The following CALN1 variants were observed in gnomAD, a reference collection of about 807,000 sequenced individuals.
The protein encoded by CALN1 is calcium-binding protein 8.
CALN1 carries 17 observed loss-of-function variants against 30.6 expected under a neutral mutation model. That is an observed-to-expected ratio of 0.56 (90% CI 0.38 to 0.83). The LOEUF is 0.83. CALN1 is among the 40% of genes least tolerant of loss of function. The probability of loss-of-function intolerance (pLI) is 0.00; values close to 1 mark genes in which losing one functional copy is unlikely to be tolerated. For missense variants in CALN1, 291 were observed against 354.9 expected (o/e 0.82, Z 1.45); for synonymous variants, 156 against 131.4 (o/e 1.19, Z -1.28).
chr7:71,899,998 T>C (rs1793761489), intron 5 of CALN1, among the ~76,000 whole-genome samples: 1 of 152,210 alleles, frequency 6.6e-6, no homozygotes. Flanking sequence ...TTTTAAATCA[T>C]AAAACCCACG....
rs1196126156 is a variant in CALN1 at position 71,782,257 on chromosome 7, G to A, written c.*5518C>T. The A allele has an allele frequency of 1.3e-5, 2 of 152,206 alleles. No homozygotes were observed. Among genetic ancestry groups the A allele is most frequent in the Non-Finnish European group, 2.9e-5 (2 of 68,040 alleles). The allele number at this position is 152,206 out of a possible 1,614,324, so 9.4% of individuals were successfully genotyped here. A position where few individuals can be genotyped will look rare whatever the true frequency, so the allele number is the denominator to read the frequency against. ...GACTCGGTGCCCTCCCTGTAGTAAT[G>A]AGTGAATTCTTACTTTATTAGTTCA... On this transcript the variant is annotated 3_prime_UTR_variant, in exon 7 of 7. Transcript: ENST00000395275.
the CALN1 span, among the ~76,000 whole-genome samples, chr7:72,501,956 T>TATATATATAAAAATATATATACACAC: frequency 9.7e-6 from 1 of 103,256 alleles, no homozygotes; most frequent in African/African-American, 4.3e-5. Flanking sequence ...TATACACACA[T>TATATATATAAAAATATATATACACAC]ATATATATAT....
At chr7:72,190,643 T>C (rs955743817) in intron 3 of CALN1, among the ~76,000 whole-genome samples, 3 of 152,236 alleles carry the variant, frequency 2.0e-5, no homozygotes, top group South Asian at 2.1e-4. Context: ...AATACATTAA[T>C]GTGTGCATGT....
chr7:71,803,949 C>CGT lies in CALN1; in HGVS notation c.658+6385_658+6386dup, dbSNP rs56094367. On this transcript the variant is annotated intron_variant, in intron 6 of 6. Coordinates refer to ENST00000395275, the MANE Select transcript of CALN1 (RefSeq NM_031468.4). ...GGCTGTGTATTTGTGTATGTGTGTG[C>CGT]GTGTGTGTGTGTGTGTGTGTGTGCG... Among the ~76,000 whole-genome samples the CGT allele has an allele frequency of 1.4e-3, 213 of 149,842 alleles. 1 individual carries two copies. Among genetic ancestry groups the CGT allele is most frequent in the African/African-American group, 4.8e-3 (195 of 41,004 alleles).
chr7:72,483,130 C>T, the CALN1 span, among the ~76,000 whole-genome samples: 2 of 152,024 alleles, frequency 1.3e-5, no homozygotes, highest in South Asian at 2.1e-4. Flanking sequence ...TCTGCTTTTC[C>T]TCTGGCTGCT....
At chr7:72,396,476 T>C (rs1214098072) in intron 2 of CALN1, among the ~76,000 whole-genome samples, 1 of 151,324 alleles carries the variant, frequency 6.6e-6, no homozygotes, top group Non-Finnish European at 1.5e-5. Flanking sequence ...TGTATGCAAT[T>C]TTTCTTGGGG....
chr7:71,942,603 C>T (rs928626773), intron 5 of CALN1: 2 of 152,376 alleles, frequency 1.3e-5, no homozygotes, highest in African/African-American at 4.8e-5. Context: ...AGCATTTGTG[C>T]TTCAAATTAA....
chr7:71,972,021 A>C (rs1467717386), intron 5 of CALN1, among the ~76,000 whole-genome samples: 1 of 115,426 alleles, frequency 8.7e-6, no homozygotes, highest in African/African-American at 3.6e-5. Context: ...GAAAGAAAAG[A>C]AAGAAAGAAA....
the CALN1 span, among the ~76,000 whole-genome samples, chr7:72,492,336 C>G: frequency 6.6e-6 from 1 of 152,200 alleles, no homozygotes; most frequent in Admixed American, 6.5e-5. Context: ...TTGGTCAATT[C>G]AAATAGCAAA....
chr7:72,224,037 A>G (rs970006980), intron 3 of CALN1, among the ~76,000 whole-genome samples: 1 of 152,072 alleles, frequency 6.6e-6, no homozygotes, highest in Non-Finnish European at 1.5e-5. Context: ...TTAAAAAGCT[A>G]CCTATTGGGT....
Position 72,271,575 on chromosome 7 carries a change from A to AAAAAAAAAAAATATATATATATATATAT in CALN1, c.244+7110_244+7111insATATATATATATATATATTTTTTTTTTT. On this transcript the variant is annotated intron_variant, in intron 3 of 6. Coordinates refer to ENST00000395275, the MANE Select transcript of CALN1 (RefSeq NM_031468.4). ...CTGTGCCTGCCTTTTAAAAAAAAAA[A>AAAAAAAAAAAATATATATATATATATAT]ATATATATATATATATATAGTTTTC... Among the ~76,000 whole-genome samples the AAAAAAAAAAAATATATATATATATATAT allele has an allele frequency of 1.2e-3, 60 of 52,088 alleles. 1 individual carries two copies. The highest frequency in any genetic ancestry group is 1.0e-2 in the East Asian group (10 of 1,002). The allele number at this position is 52,088 out of a possible 152,430, so 34.2% of individuals were successfully genotyped here.
At position 72,016,799 on chromosome 7, in the gene CALN1, AGCCTGG is replaced by A. The variant is rs147734298; in HGVS notation, c.501+6852_501+6857del. Among the ~76,000 whole-genome samples the A allele has an allele frequency of 7.4e-3, 1,121 of 151,712 alleles. 16 individuals are homozygous for A. Among genetic ancestry groups the A allele is most frequent in the African/African-American group, 0.026 (1,075 of 41,264 alleles). Reference sequence around the variant, plus strand: ...CAGCTTATAAAATGTCCCAGACAAAAGCCTGGGCCTGGGCTGGGAAGAACTAGGTTT... The same window carrying A: ...CAGCTTATAAAATGTCCCAGACAAAAGCCTGGGCTGGGAAGAACTAGGTTT... On this transcript the variant is annotated intron_variant, in intron 5 of 6. Coordinates refer to ENST00000395275, the MANE Select transcript of CALN1 (RefSeq NM_031468.4).
chr7:72,328,912 G>C (rs984749379), intron 2 of CALN1, among the ~76,000 whole-genome samples: 1 of 152,238 alleles, frequency 6.6e-6, no homozygotes, highest in South Asian at 2.1e-4. Flanking sequence ...GGCCAGGCTG[G>C]TCTTGAACTC....
At chr7:72,191,359 T>C (rs761403842) in intron 3 of CALN1, among the ~76,000 whole-genome samples, 2 of 151,822 alleles carry the variant, frequency 1.3e-5, no homozygotes, top group Admixed American at 1.3e-4. Flanking sequence ...TTCCACACTT[T>C]GGGAGGGCGA....
chr7:72,304,538 T>G (rs1799516812), intron 2 of CALN1, among the ~76,000 whole-genome samples: 1 of 152,146 alleles, frequency 6.6e-6, no homozygotes, highest in South Asian at 2.1e-4. Context: ...AGTGATTTCA[T>G]CCACCAGAAT....
At chr7:72,471,776 C>T in the CALN1 span, among the ~76,000 whole-genome samples, 3 of 152,230 alleles carry the variant, frequency 2.0e-5, no homozygotes, top group South Asian at 2.1e-4. Flanking sequence ...TTGTCCACCA[C>T]GTGGGGCGTC....
intron 2 of CALN1, among the ~76,000 whole-genome samples, chr7:72,395,971 T>C (rs1585653654): frequency 6.6e-6 from 1 of 151,998 alleles, no homozygotes; most frequent in Non-Finnish European, 1.5e-5. Context: ...AGATACATTT[T>C]GACGTTGAGC....
At chr7:71,865,420 T>C (rs553508977) in intron 5 of CALN1, among the ~76,000 whole-genome samples, 1 of 152,348 alleles carries the variant, frequency 6.6e-6, no homozygotes, top group East Asian at 1.9e-4. Context: ...CCCCAGAAGG[T>C]GATGCCGCCA....
At chr7:71,823,301 C>T (rs1034905472) in intron 5 of CALN1, among the ~76,000 whole-genome samples, 3 of 151,994 alleles carry the variant, frequency 2.0e-5, no homozygotes, top group African/African-American at 7.2e-5. Flanking sequence ...TCCTGTGTAG[C>T]TGGGATTACA....
Sources: gnomAD v4.1 joint callset for allele counts (sites outside exome capture counted in the v4.1 genomes callset) on GRCh38, gnomAD v4.1.1 for gene constraint, MANE v1.5 for transcripts, NCBI Gene and HGNC (gene_info 2026-07-23, HGNC 2026-07-21) for gene names.